The following CELF2 variants were observed in gnomAD, a reference collection of about 807,000 sequenced individuals.
CELF2 encodes CUG triplet repeat RNA-binding protein 2.
CELF2 carries 8 observed loss-of-function variants against 62.6 expected under a neutral mutation model. The ratio of observed to expected loss-of-function variants is 0.13; its 90% CI spans 0.07 to 0.23. The LOEUF (loss-of-function observed/expected upper bound fraction) is 0.23. Ranked by LOEUF, CELF2 falls within the 10% of genes least tolerant of loss-of-function variation. CELF2 has a pLI of 1.00. For synonymous variants in CELF2, 258 were observed against 250.0 expected, an observed-to-expected ratio of 1.03 and a Z score of -0.30; for missense variants, 333 against 671.0, an observed-to-expected ratio of 0.50 and a Z score of 5.56.
chr10:11,197,052 A>AGAAAGAGAGAAG (rs2058027960), intron 2 of CELF2, among the ~76,000 whole-genome samples: 1 of 31,686 alleles, frequency 3.2e-5, no homozygotes, highest in African/African-American at 1.3e-4. Flanking sequence ...AAAGAAAGAA[A>AGAAAGAGAGAAG]GAAAGAAAAG....
chr10:10,777,015 G>T, the CELF2 span, among the ~76,000 whole-genome samples: 1,772 of 152,198 alleles, frequency 0.012, 36 homozygotes, highest in African/African-American at 0.041. Context: ...GAGTTCCATG[G>T]TCTCCATCTC....
At chr10:10,591,458 A>G in the CELF2 span, among the ~76,000 whole-genome samples, 1 of 152,146 alleles carries the variant, frequency 6.6e-6, no homozygotes, top group African/African-American at 2.4e-5. Flanking sequence ...ATATAGATGT[A>G]TACATTTAAA....
rs777902135 is a variant in CELF2 at position 11,324,469 on chromosome 10, C to A, written c.1295-1367C>A. Among the ~76,000 whole-genome samples, 4 of 152,206 alleles carry A rather than the reference C, an allele frequency of 2.6e-5. No individual in the cohort carries two copies. Among genetic ancestry groups the A allele is most frequent in the Non-Finnish European group, 5.9e-5 (4 of 68,036 alleles). On this transcript the variant is annotated intron_variant, in intron 11 of 12. Transcript: ENST00000633077. This position sits in a 1 kb window ranked among gnomAD's most constrained non-coding sequence, Gnocchi z 4.7. Reference sequence around the variant, plus strand: ...CATCTGGGGACCAAAGGCCCCCCTGCAATTGTGTCCCTTTAAAATAGACTC... The same window carrying A: ...CATCTGGGGACCAAAGGCCCCCCTGAAATTGTGTCCCTTTAAAATAGACTC...
In CELF2 at chr10:11,197,002, GAGAAAGAAAGAAAGAAAGAAAGAAAAGAA is replaced by G. The variant is rs2057760855; in HGVS notation, c.272-20397_272-20369del. 1.4e-4 allele frequency among the ~76,000 whole-genome samples: 2 copies of G among 13,858 alleles called. 1 individual carries two copies. Among genetic ancestry groups the G allele is most frequent in the Non-Finnish European group, 2.7e-4 (2 of 7,386 alleles). 9.1% of individuals were successfully genotyped at this position (13,858 alleles called of 152,430 possible). A position where few individuals can be genotyped will look rare whatever the true frequency, so the allele number is the denominator to read the frequency against. ...GAGAGAAAGAAAGAAAGGAAGGAAGGAGAAAGAAAGAAAGAAAGAAAGAAAAGAAAGAAAGAAAGAAAGAAAGAAAGAAA... is the reference window on the plus strand; with the variant it reads ...GAGAGAAAGAAAGAAAGGAAGGAAGGAGAAAGAAAGAAAGAAAGAAAGAAA... On this transcript the variant is annotated intron_variant, in intron 2 of 12. Coordinates refer to ENST00000633077, the MANE Select transcript of CELF2 (RefSeq NM_001326342.2).
chr10:10,784,424 G>T, the CELF2 span: 3 of 152,464 alleles, frequency 2.0e-5, no homozygotes, highest in African/African-American at 7.2e-5. Flanking sequence ...GAAGAATCAG[G>T]TCACACACAG....
intron 1 of CELF2, among the ~76,000 whole-genome samples, chr10:11,139,646 T>A (rs1357407630): frequency 6.6e-6 from 1 of 152,208 alleles, no homozygotes; most frequent in Non-Finnish European, 1.5e-5. Flanking sequence ...TTGAGTGCAA[T>A]TAATGTATAC....
intron 1 of CELF2, among the ~76,000 whole-genome samples, chr10:10,844,157 C>A (rs1234537090): frequency 1.3e-5 from 2 of 151,920 alleles, no homozygotes; most frequent in African/African-American, 4.8e-5. Flanking sequence ...TAGAGCTTAT[C>A]TGTTAAATAA....
the CELF2 span, among the ~76,000 whole-genome samples, chr10:10,602,378 C>T: frequency 2.0e-5 from 3 of 152,150 alleles, no homozygotes; most frequent in African/African-American, 7.2e-5. Flanking sequence ...TACCGGGGTT[C>T]ACTCTTACTC....
At chr10:10,495,842 C>G in the CELF2 span, among the ~76,000 whole-genome samples, 7 of 152,136 alleles carry the variant, frequency 4.6e-5, no homozygotes, top group South Asian at 2.1e-4. Context: ...GAGGACTGTA[C>G]GCATTTTCAC....
At chr10:11,064,126 C>T (rs779728913) in intron 1 of CELF2, among the ~76,000 whole-genome samples, 6 of 152,066 alleles carry the variant, frequency 3.9e-5, no homozygotes, top group Non-Finnish European at 8.8e-5. Flanking sequence ...CTTGTTGTTT[C>T]GGGCAAAAGA....
At chr10:10,769,488 C>T in the CELF2 span, among the ~76,000 whole-genome samples, 17 of 152,214 alleles carry the variant, frequency 1.1e-4, no homozygotes, top group Middle Eastern at 6.8e-3. Context: ...GTAGGCCAGG[C>T]GTGGTGGCTC....
At chr10:10,566,884 G>A in the CELF2 span, among the ~76,000 whole-genome samples, 50 of 152,110 alleles carry the variant, frequency 3.3e-4, no homozygotes, top group African/African-American at 1.1e-3. Flanking sequence ...CTCTTCCACC[G>A]ATCTCTACTT....
the CELF2 span, among the ~76,000 whole-genome samples, chr10:10,785,838 CA>C: frequency 6.6e-6 from 1 of 152,074 alleles, no homozygotes; most frequent in African/African-American, 2.4e-5. Flanking sequence ...TAAATGTATT[CA>C]ATGTATTTTA....
chr10:10,721,681 A>G, the CELF2 span, among the ~76,000 whole-genome samples: 5 of 152,216 alleles, frequency 3.3e-5, no homozygotes, highest in South Asian at 8.3e-4. Context: ...AGTTCCCTCT[A>G]GGTAAACCAC....
chr10:11,153,356 G>A (rs553542392), intron 1 of CELF2, among the ~76,000 whole-genome samples: 21 of 152,136 alleles, frequency 1.4e-4, no homozygotes, highest in Admixed American at 1.1e-3. Context: ...CGTTATCACC[G>A]TCTGACATTT....
At chr10:10,545,932 G>A in the CELF2 span, among the ~76,000 whole-genome samples, 16 of 152,220 alleles carry the variant, frequency 1.1e-4, no homozygotes, top group Admixed American at 2.6e-4. Context: ...ACCAAGACAC[G>A]TGGGGATAGC....
chr10:11,102,623 A>G (rs1386919156), intron 1 of CELF2, among the ~76,000 whole-genome samples: 1 of 152,212 alleles, frequency 6.6e-6, no homozygotes, highest in Non-Finnish European at 1.5e-5. Context: ...GGCTTCAGAC[A>G]GCGTCCTTGG....
chr10:10,620,662 G>A, the CELF2 span, among the ~76,000 whole-genome samples: 1 of 152,040 alleles, frequency 6.6e-6, no homozygotes, highest in African/African-American at 2.4e-5. Flanking sequence ...CAGCACTTTG[G>A]GAGGCCGAGG....
chr10:10,777,942 C>T, the CELF2 span, among the ~76,000 whole-genome samples: 3 of 152,282 alleles, frequency 2.0e-5, no homozygotes, highest in Admixed American at 6.5e-5. Flanking sequence ...TTCAGCCGCA[C>T]CCCTTTTCTA....
Sources: allele counts gnomAD v4.1 joint callset (sites outside exome capture counted in the v4.1 genomes callset), GRCh38; gene constraint gnomAD v4.1.1; non-coding constraint Gnocchi (gnomAD v3.1); transcripts MANE v1.5; gene names NCBI Gene and HGNC (gene_info 2026-07-23, HGNC 2026-07-21).